Variants in AK4 observed in about 807,000 individuals in gnomAD.
AK4 encodes adenylate kinase 4.
In AK4, 13 loss-of-function variants were observed where a neutral mutation model predicts 24.6. The observed-to-expected ratio is 0.53, with a 90% CI of 0.34 to 0.84. The LOEUF is 0.84. AK4 is among the 40% of genes least tolerant of loss of function. The pLI is 0.01. For missense variants in AK4, 192 were observed against 288.2 expected, an observed-to-expected ratio of 0.67 and a Z score of 2.42; for synonymous variants, 88 against 107.0, an observed-to-expected ratio of 0.82 and a Z score of 1.10.
chr1:65,213,753 C>T (rs939636587), intron 2 of AK4, among the ~76,000 whole-genome samples: 1 of 152,184 alleles, frequency 6.6e-6, no homozygotes, highest in African/African-American at 2.4e-5. Flanking sequence ...TGTCCTCTGA[C>T]CCCGAATTCC....
intron 2 of AK4, among the ~76,000 whole-genome samples, chr1:65,196,791 T>C (rs1188316364): frequency 6.6e-6 from 1 of 152,018 alleles, no homozygotes; most frequent in Non-Finnish European, 1.5e-5. Flanking sequence ...TAAAAAAGGG[T>C]CACATATTAG....
chr1:65,181,527 C>T (rs974037867), intron 1 of AK4, among the ~76,000 whole-genome samples: 1 of 151,972 alleles, frequency 6.6e-6, no homozygotes, highest in African/African-American at 2.4e-5. Flanking sequence ...GCTGGGACTA[C>T]AGGCATGTGC....
intron 2 of AK4, among the ~76,000 whole-genome samples, chr1:65,196,488 T>C (rs1259266802): frequency 5.3e-5 from 8 of 152,170 alleles, no homozygotes; most frequent in Admixed American, 5.2e-4. Flanking sequence ...TTGTTAGAGA[T>C]GGAGTCTCTC....
chr1:65,187,965 C>T (rs1285985656), intron 1 of AK4, among the ~76,000 whole-genome samples: 1 of 152,134 alleles, frequency 6.6e-6, no homozygotes, highest in Non-Finnish European at 1.5e-5. Context: ...TCAACTGGGC[C>T]TGTGTTTTGA....
intron 3 of AK4, among the ~76,000 whole-genome samples, chr1:65,222,288 A>T (rs1026627272): frequency 1.3e-5 from 2 of 152,192 alleles, no homozygotes; most frequent in Admixed American, 6.5e-5. Flanking sequence ...GAACATGTCT[A>T]GTCCCTAGTT....
At chr1:65,203,505 AT>A (rs1268767177) in intron 2 of AK4, among the ~76,000 whole-genome samples, 2 of 152,282 alleles carry the variant, frequency 1.3e-5, no homozygotes, top group East Asian at 3.9e-4. Flanking sequence ...TGGGCAAAGC[AT>A]AAAACCACCC....
intron 1 of AK4, among the ~76,000 whole-genome samples, chr1:65,187,610 TA>T (rs931955825): frequency 1.1e-4 from 16 of 152,226 alleles, no homozygotes; most frequent in African/African-American, 2.2e-4. Context: ...AAAGCTGTCA[TA>T]AAAAAATGCT....
chr1:65,170,317 G>T (rs554082844), intron 1 of AK4, among the ~76,000 whole-genome samples: 7 of 152,258 alleles, frequency 4.6e-5, no homozygotes, highest in African/African-American at 1.4e-4. Flanking sequence ...GCAGTGAGCC[G>T]AGATCGCGCC....
At chr1:65,180,528 G>C (rs1650864225) in intron 1 of AK4, among the ~76,000 whole-genome samples, 1 of 152,158 alleles carries the variant, frequency 6.6e-6, no homozygotes. Flanking sequence ...TTTCTTCCAT[G>C]ATTTCTGCCT....
rs112514611 is a variant in AK4, at chr1:65,155,928, C to T, written c.145+7376C>T. The stretch of plus-strand genomic sequence containing the variant: ...CAAGTGATCTGCCCGCCTTGGCTTC[C>T]CAAAGTGCTGGGATTACAGGCATGA... On this transcript the variant is annotated intron_variant, in intron 1 of 4. Transcript: ENST00000327299. Among the ~76,000 whole-genome samples the T allele has an allele frequency of 2.8e-3, 421 of 152,234 alleles. 1 individual carries two copies. Among genetic ancestry groups the T allele is most frequent in the Middle Eastern group, 0.014 (4 of 294 alleles).
chr1:65,187,229 C>G (rs1400512724), intron 1 of AK4, among the ~76,000 whole-genome samples: 1 of 151,788 alleles, frequency 6.6e-6, no homozygotes, highest in Admixed American at 6.6e-5. Flanking sequence ...CGCCTGTAGT[C>G]CCAGCTACTC....
chr1:65,181,080 A>G (rs566631549), intron 1 of AK4, among the ~76,000 whole-genome samples: 19 of 150,678 alleles, frequency 1.3e-4, no homozygotes, highest in African/African-American at 4.4e-4. Context: ...ACATTCGTTC[A>G]GCTCTGTCTT....
intron 3 of AK4, among the ~76,000 whole-genome samples, chr1:65,219,261 G>A (rs1652226153): frequency 6.6e-6 from 1 of 151,742 alleles, no homozygotes; most frequent in Admixed American, 6.6e-5. Context: ...GGGATCTGGG[G>A]AAAATAATAC....
chr1:65,148,824 G>A (rs1345596713), intron 1 of AK4, among the ~76,000 whole-genome samples: 2 of 152,266 alleles, frequency 1.3e-5, no homozygotes, highest in South Asian at 2.1e-4. Context: ...CCACCCGGCC[G>A]AGGGAACGAG....
At chr1:65,179,299 A>G (rs975731199) in intron 1 of AK4, among the ~76,000 whole-genome samples, 3 of 152,198 alleles carry the variant, frequency 2.0e-5, no homozygotes, top group African/African-American at 7.2e-5. Flanking sequence ...GTATGCTAAC[A>G]TGCAAAGTTG....
In AK4 at chr1:65,172,157, G is replaced by A. The variant is rs1183543378; in HGVS notation, c.146-18553G>A. On this transcript the variant is annotated intron_variant, in intron 1 of 4. Coordinates refer to ENST00000327299, the MANE Select transcript of AK4 (RefSeq NM_013410.4). ...TATATATTTGGAATGAGTTTAAAAC[G>A]TAAGCTTTACGTTTTTTAAAACGTA... Among the ~76,000 whole-genome samples the A allele has an allele frequency of 3.5e-5, 5 of 140,898 alleles. 1 individual carries two copies. The highest frequency in any genetic ancestry group is 2.3e-4 in the South Asian group (1 of 4,288). 92.4% of individuals were successfully genotyped at this position (140,898 alleles called of 152,430 possible).
At chr1:65,212,634 G>A (rs572740523) in intron 2 of AK4, among the ~76,000 whole-genome samples, 2 of 152,008 alleles carry the variant, frequency 1.3e-5, no homozygotes, top group African/African-American at 2.4e-5. Flanking sequence ...GACTACAGAC[G>A]GGCACTACCA....
At chr1:65,171,122 ATTTT>A (rs59764198) in intron 1 of AK4, among the ~76,000 whole-genome samples, 1 of 122,934 alleles carries the variant, frequency 8.1e-6, no homozygotes, top group Non-Finnish European at 1.7e-5. Flanking sequence ...TGCTTGGCTA[ATTTT>A]TTTTTTTTTT....
At chr1:65,154,618 G>A (rs1327791867) in intron 1 of AK4, 3 of 499,274 alleles carry the variant, frequency 6.0e-6, no homozygotes, top group South Asian at 1.4e-5. Flanking sequence ...CCGTCAGTAC[G>A]CGAACGATAT....
Sources: gnomAD v4.1 joint callset for allele counts (sites outside exome capture counted in the v4.1 genomes callset) on GRCh38, gnomAD v4.1.1 for gene constraint, MANE v1.5 for transcripts, NCBI Gene and HGNC (gene_info 2026-07-23, HGNC 2026-07-21) for gene names.